The following TAFA5 variants were observed in gnomAD, a reference collection of about 807,000 sequenced individuals.
The protein encoded by TAFA5 is TAFA chemokine like family member 5.
In TAFA5, 6 loss-of-function variants were observed where a neutral mutation model predicts 15.3. The ratio of observed to expected loss-of-function variants is 0.39; its 90% CI spans 0.21 to 0.77. The LOEUF (loss-of-function observed/expected upper bound fraction) is 0.77, where lower values mean the gene tolerates loss of function less well. TAFA5 is among the 30% of genes least tolerant of loss of function. TAFA5 has a pLI of 0.41. For missense variants in TAFA5, 161 were observed against 193.1 expected (o/e 0.83, Z 0.98); for synonymous variants, 103 against 80.7 (o/e 1.28, Z -1.48).
At chr22:48,571,572 C>CCGT (rs1569029616) in intron 1 of TAFA5, among the ~76,000 whole-genome samples, 1 of 40,780 alleles carries the variant, frequency 2.5e-5, no homozygotes, top group Non-Finnish European at 5.3e-5. Flanking sequence ...TGTGCCTGGC[C>CCGT]TGTTTTTTTT....
In TAFA5 at chr22:48,507,117, C is replaced by T. The variant is rs541491979; in HGVS notation, c.112+17413C>T. Among the ~76,000 whole-genome samples, 11 of 151,970 alleles carry T rather than the reference C, an allele frequency of 7.2e-5. No individual in the cohort carries two copies. The South Asian group carries it at 8.3e-4, about 11-fold the overall frequency. ...TGCAGTTGGAGGAGAAGGAGGTGGCCGCCAAGGGCCAGGTGTGCAGTAGGA... is the reference window on the plus strand; with the variant it reads ...TGCAGTTGGAGGAGAAGGAGGTGGCTGCCAAGGGCCAGGTGTGCAGTAGGA... On this transcript the variant is annotated intron_variant, in intron 1 of 3. Transcript: ENST00000402357.
At chr22:48,638,895 C>A (rs1478865798) in intron 1 of TAFA5, among the ~76,000 whole-genome samples, 1 of 121,816 alleles carries the variant, frequency 8.2e-6, no homozygotes, top group Non-Finnish European at 1.7e-5. Flanking sequence ...GGCGGGACCC[C>A]CCCCCATCCC....
At chr22:48,547,836 G>A (rs985112871) in intron 1 of TAFA5, among the ~76,000 whole-genome samples, 5 of 152,172 alleles carry the variant, frequency 3.3e-5, no homozygotes, top group Non-Finnish European at 5.9e-5. Context: ...GACGACTGCC[G>A]CTGCATTTCA....
At chr22:48,667,792 C>CG (rs1408115243) in intron 2 of TAFA5, among the ~76,000 whole-genome samples, 11 of 65,816 alleles carry the variant, frequency 1.7e-4, no homozygotes, top group Middle Eastern at 7.6e-3. Flanking sequence ...CCCCAGCACT[C>CG]AGGACCGCGT....
chr22:48,517,797 C>T (rs1273753711), intron 1 of TAFA5, among the ~76,000 whole-genome samples: 1 of 152,182 alleles, frequency 6.6e-6, no homozygotes, highest in Non-Finnish European at 1.5e-5. Flanking sequence ...CGTCTCCTCC[C>T]TCTCCCCTGC....
intron 1 of TAFA5, among the ~76,000 whole-genome samples, chr22:48,562,884 C>T (rs16999471): frequency 0.023 from 3,439 of 152,290 alleles, 115 homozygotes; most frequent in African/African-American, 0.077. Context: ...CTTGACAGCT[C>T]GGAGACCCTC....
intron 2 of TAFA5, among the ~76,000 whole-genome samples, chr22:48,701,831 G>A (rs115085748): frequency 0.011 from 1,657 of 152,282 alleles, 40 homozygotes; most frequent in African/African-American, 0.038. Context: ...GTCCCAGCCC[G>A]CACTGGGCAG....
chr22:48,542,593 G>GTGTGTA (rs1196283553), intron 1 of TAFA5, among the ~76,000 whole-genome samples: 1 of 102,824 alleles, frequency 9.7e-6, no homozygotes, highest in Non-Finnish European at 1.9e-5. Flanking sequence ...CGGGTGTGTG[G>GTGTGTA]TGTGTATGTG....
At chr22:48,715,810 A>T (rs980942930) in intron 3 of TAFA5, among the ~76,000 whole-genome samples, 8 of 152,238 alleles carry the variant, frequency 5.3e-5, no homozygotes, top group African/African-American at 1.7e-4. Context: ...GTGAGTCTGG[A>T]TGCTGTTGAT....
Position 48,530,955 on chromosome 22 carries a change from G to A in TAFA5, c.112+41251G>A, listed in dbSNP as rs1428717003. Among the ~76,000 whole-genome samples, 2 of 152,170 alleles carry A rather than the reference G, an allele frequency of 1.3e-5. No homozygotes were observed. Among genetic ancestry groups the A allele is most frequent in the East Asian group, 1.9e-4 (1 of 5,166 alleles). ...GTACAGGGACCCCCTGTGCAAAGTG[G>A]TGCCCCTGCCCGCCCCGACCCCAGC... is the stretch of plus-strand genomic sequence containing the variant. On this transcript the variant is annotated intron_variant, in intron 1 of 3. Transcript: ENST00000402357. The surrounding 1 kb of genome is among the most constrained non-coding windows in gnomAD (Gnocchi z 6.0).
rs1479796865 is a variant in TAFA5, at chr22:48,734,949, G to A, written c.391-14890G>A. Among the ~76,000 whole-genome samples the A allele has an allele frequency of 2.0e-5, 3 of 152,228 alleles. No homozygotes were observed. In the East Asian group the frequency reaches 5.8e-4, roughly 29 times the overall value. ...AAAGGAAACTCTGAGATGACCAGGA[G>A]GAAGTGGAGGGGAATATTGATCTGC... is the stretch of plus-strand genomic sequence containing the variant. On this transcript the variant is annotated intron_variant, in intron 3 of 3. Coordinates refer to ENST00000402357, the MANE Select transcript of TAFA5 (RefSeq NM_001082967.3).
At chr22:48,503,963 C>G (rs1470953875) in intron 1 of TAFA5, among the ~76,000 whole-genome samples, 1 of 152,226 alleles carries the variant, frequency 6.6e-6, no homozygotes, top group Admixed American at 6.5e-5. Context: ...ACCACACACT[C>G]ACACTCAGGT....
At chr22:48,743,912 T>C (rs1930253162) in intron 3 of TAFA5, among the ~76,000 whole-genome samples, 1 of 152,224 alleles carries the variant, frequency 6.6e-6, no homozygotes. Flanking sequence ...GAGTGTTGCT[T>C]GGTGGCCTGG....
chr22:48,741,855 C>A (rs182752606), intron 3 of TAFA5, among the ~76,000 whole-genome samples: 50 of 152,346 alleles, frequency 3.3e-4, no homozygotes, highest in Non-Finnish European at 6.5e-4. Context: ...AACACGGCAG[C>A]CTTCTGGATG....
chr22:48,537,741 C>T (rs1389682684), intron 1 of TAFA5, among the ~76,000 whole-genome samples: 2 of 152,214 alleles, frequency 1.3e-5, no homozygotes, highest in South Asian at 2.1e-4. Flanking sequence ...CCTGTCAGAG[C>T]GCCCAGCCCA....
intron 1 of TAFA5, among the ~76,000 whole-genome samples, chr22:48,630,931 G>A (rs555691373): frequency 2.8e-4 from 43 of 152,320 alleles, no homozygotes; most frequent in Middle Eastern, 3.4e-3. Flanking sequence ...CCCGGCGTGC[G>A]TGCTGGCTCT....
intron 1 of TAFA5, among the ~76,000 whole-genome samples, chr22:48,601,317 C>CT (rs950765598): frequency 4.6e-5 from 7 of 151,588 alleles, no homozygotes; most frequent in Non-Finnish European, 7.4e-5. Context: ...ATCCTTATAT[C>CT]TTTTTTTTTA....
intron 3 of TAFA5, among the ~76,000 whole-genome samples, chr22:48,715,673 G>T (rs1041435745): frequency 6.6e-6 from 1 of 152,196 alleles, no homozygotes; most frequent in African/African-American, 2.4e-5. Flanking sequence ...CTGCTGGAGA[G>T]AAGAGGGGAG....
At chr22:48,655,772 A>G (rs1465706603) in intron 2 of TAFA5, among the ~76,000 whole-genome samples, 1 of 144,050 alleles carries the variant, frequency 6.9e-6, no homozygotes, top group Non-Finnish European at 1.5e-5. Flanking sequence ...GAAGCAGAGG[A>G]GGGACAGTGT....
Sources: allele counts gnomAD v4.1 joint callset (sites outside exome capture counted in the v4.1 genomes callset), GRCh38; gene constraint gnomAD v4.1.1; non-coding constraint Gnocchi (gnomAD v3.1); transcripts MANE v1.5; gene names NCBI Gene and HGNC (gene_info 2026-07-23, HGNC 2026-07-21).